The following ELOA variants were observed in gnomAD, a reference collection of about 807,000 sequenced individuals.
ELOA encodes elongin-A.
ELOA carries 15 observed loss-of-function variants against 85.2 expected under a neutral mutation model. The ratio of observed to expected loss-of-function variants is 0.18; its 90% CI spans 0.12 to 0.27. ELOA has a LOEUF of 0.27. Among genes scored for constraint, ELOA ranks in the 10% least tolerant of loss-of-function variants. The pLI is 1.00. For missense variants in ELOA, 769 were observed against 952.7 expected, an observed-to-expected ratio of 0.81 and a Z score of 2.54; for synonymous variants, 348 against 357.2, an observed-to-expected ratio of 0.97 and a Z score of 0.29.
chr1:23,752,674 G>A (rs1245880059), intron 5 of ELOA, among the ~76,000 whole-genome samples, 156 bp downstream of exon 5: 1 of 152,094 alleles, frequency 6.6e-6, no homozygotes, highest in Non-Finnish European at 1.5e-5. Context: ...CAGGCGTGGT[G>A]GCTCACTCCT....
intron 1 of ELOA, 147 bp from the exon 2 acceptor site, chr1:23,748,874 C>T (rs1644757593): frequency 3.3e-6 from 2 of 597,376 alleles, no homozygotes; most frequent in Admixed American, 6.3e-5. Context: ...TATTTTCATA[C>T]TTGTAAAATA....
chr1:23,757,219 A>G, intron 10 of ELOA, 94 bp downstream of exon 10: 2 of 1,360,142 alleles, frequency 1.5e-6, no homozygotes, highest in Non-Finnish European at 2.0e-6. Flanking sequence ...TGTGGACTGC[A>G]TGTTGCATGT....
At position 23,756,647 on chromosome 1, in the gene ELOA, T is replaced by C. The variant is rs185975622; in HGVS notation, c.2084+262T>C. 1.3e-3 allele frequency among the ~76,000 whole-genome samples: 197 copies of C among 152,378 alleles called. 1 individual carries two copies. The highest frequency in any genetic ancestry group is 2.3e-3 in the Non-Finnish European group (156 of 68,042). ...CTGGCTTATGGGAAACATTCCCTTA[T>C]GCTTTCCCTTTTCCCATCTAAACAA... On this transcript the variant is annotated intron_variant, in intron 9 of 10. Coordinates refer to ENST00000613537, the MANE Select transcript of ELOA (RefSeq NM_003198.3).
In ELOA at chr1:23,751,978, A is replaced by G. The variant is rs776893448; in HGVS notation, c.1373A>G (p.Asn458Ser). ...TCAGTTCAGAAATTACCCAAGGTGA[A>G]CAAAACCAAGTCAGAGAAGCCGGCT... ...LDSVQKLPKVNKTKSEKPAGA... is the reference protein window; with the variant it reads ...LDSVQKLPKVSKTKSEKPAGA... Residue 458 changes from asparagine (N) to serine (S), a missense_variant, in exon 4 of 11, where the codon AAC becomes AGC. Asn to Ser is a conservative substitution (Grantham distance 46, BLOSUM62 1). Coordinates refer to ENST00000613537, the MANE Select transcript of ELOA (RefSeq NM_003198.3). The G allele has an allele frequency of 5.6e-6, 9 of 1,608,736 alleles. No homozygotes were observed. The highest frequency in any genetic ancestry group is 6.8e-6 in the Non-Finnish European group (8 of 1,178,762).
chr1:23,750,503 C>G (rs1644765197), intron 3 of ELOA, among the ~76,000 whole-genome samples: 1 of 152,090 alleles, frequency 6.6e-6, no homozygotes, highest in African/African-American at 2.4e-5. Context: ...TCTAACTGCT[C>G]CTTAAATGGC....
chr1:23,743,543 C>A lies in ELOA; in HGVS notation c.40C>A (p.Gln14Lys). The A allele has an allele frequency of 6.7e-7, 1 of 1,497,538 alleles. No individual in the cohort carries two copies. The highest frequency in any genetic ancestry group is 8.9e-7 in the Non-Finnish European group (1 of 1,128,582). 92.8% of individuals were successfully genotyped at this position (1,497,538 alleles called of 1,614,324 possible). A position where few individuals can be genotyped will look rare whatever the true frequency, so the allele number is the denominator to read the frequency against. ...ESALQVVEKLQARLAANPDPK... is the reference protein window; with the variant it reads ...ESALQVVEKLKARLAANPDPK... ...GGCGCTCCAAGTTGTGGAGAAGCTG[C>A]AGGCGCGCCTGGCCGCGAACCCGGA... Residue 14 changes from glutamine (Q) to lysine (K), a missense_variant, in exon 1 of 11, where the codon CAG becomes AAG. Gln to Lys is a moderately conservative substitution (Grantham distance 53). Around this residue, in one of 4 missense-constraint regions of ELOA, gnomAD observed 440 missense variants for 474.0 expected, o/e 0.93. Transcript: ENST00000613537.
chr1:23,750,022 T>G lies in ELOA; in HGVS notation c.239+74T>G, dbSNP rs1427469954. 3 of 1,249,456 alleles carry G rather than the reference T, an allele frequency of 2.4e-6. No homozygotes were observed. In the African/African-American group the frequency reaches 4.5e-5, roughly 19 times the overall value. 77.4% of individuals were successfully genotyped at this position (1,249,456 alleles called of 1,614,324 possible). On this transcript the variant is annotated intron_variant, in intron 3 of 10. Transcript: ENST00000613537. ...AGATAGAAAAGGTTTTCTTTATTAT[T>G]TCTCTTTTGCCTTCTGAAATTGTTT...
chr1:23,757,009 G>A lies in ELOA; in HGVS notation c.2141G>A (p.Ser714Asn), dbSNP rs200480343. 7 of 1,608,366 alleles carry A rather than the reference G, an allele frequency of 4.4e-6. No homozygotes were observed. Among genetic ancestry groups the A allele is most frequent in the African/African-American group, 1.3e-5 (1 of 74,708 alleles). The change falls in exon 10 of 11, where the codon AGC becomes AAC. Residue 714 changes from serine to asparagine, a missense_variant. This residue lies in a region of ELOA where 116 missense variants were observed against 141.0 expected (regional missense o/e 0.82). Transcript: ENST00000613537. ...GSSHASASSISFNPSPEEPAY... is the reference protein window; with the variant it reads ...GSSHASASSINFNPSPEEPAY... ...AGCCATGCTTCCGCCAGTAGCATCA[G>A]CTTTAACCCCAGCCCTGAGGAGCCG...
intron 2 of ELOA, 88 bp from the exon 3 acceptor site, chr1:23,749,754 G>C (rs1479145415): frequency 2.7e-6 from 3 of 1,123,446 alleles, no homozygotes; most frequent in African/African-American, 1.6e-5. Flanking sequence ...ATTGCTTGTT[G>C]AGTTTCTCAA....
At chr1:23,758,059 T>A (rs1638226077) in intron 10 of ELOA, among the ~76,000 whole-genome samples, 1 of 151,244 alleles carries the variant, frequency 6.6e-6, no homozygotes, top group Non-Finnish European at 1.5e-5. Flanking sequence ...TAAATAAATA[T>A]CATTGTGAAT....
chr1:23,751,164 C>A lies in ELOA; in HGVS notation c.559C>A (p.His187Asn). 1 of 1,614,168 alleles carries A rather than the reference C, an allele frequency of 6.2e-7. No individual in the cohort carries two copies. ...ATCCCCTCCATCTTGTACCAGTCCTCATCAGATGTACGTCGACCACTACAG... is the reference window on the plus strand; with the variant it reads ...ATCCCCTCCATCTTGTACCAGTCCTAATCAGATGTACGTCGACCACTACAG... ...VQSPPSCTSP[H>N]QMYVDHYRSL... is the part of the protein sequence containing the mutation. The change falls in exon 4 of 11, where the codon CAT becomes AAT. Residue 187 changes from histidine to asparagine, a missense_variant. Transcript: ENST00000613537.
At position 23,743,490 on chromosome 1, in the gene ELOA, C is replaced by T. The variant is rs760734858; in HGVS notation, c.-14C>T. On this transcript the variant is annotated 5_prime_UTR_variant, in exon 1 of 11. Transcript: ENST00000613537. ...GAGCCCAGTTCCGGCGAGGAGGCCG[C>T]GCCAGTGACAGCGATGGCGGCGGAG... The T allele has an allele frequency of 2.1e-5, 32 of 1,504,784 alleles. No individual in the cohort carries two copies. The South Asian group carries it at 3.5e-4, about 16-fold the overall frequency. 93.2% of individuals were successfully genotyped at this position (1,504,784 alleles called of 1,614,324 possible).
At chr1:23,754,663 A>G (rs1644786848) in intron 7 of ELOA, among the ~76,000 whole-genome samples, 1 of 152,204 alleles carries the variant, frequency 6.6e-6, no homozygotes. Flanking sequence ...CTCTTGGGCT[A>G]GGATCAGGGT....
Position 23,759,781 on chromosome 1 carries a change from TG to T in ELOA, c.*209del. 1 of 581,924 alleles carries T rather than the reference TG, an allele frequency of 1.7e-6. No individual in the cohort carries two copies. The highest frequency in any genetic ancestry group is 3.1e-6 in the Non-Finnish European group (1 of 326,494). The allele number at this position is 581,924 out of a possible 1,614,324, so 36.0% of individuals were successfully genotyped here. A position where few individuals can be genotyped will look rare whatever the true frequency, so the allele number is the denominator to read the frequency against. ...GGAGCACACTTTAGAATTCTGAAGA[TG>T]TGAAGCCTCTGTCTCACTGAGGATT... On this transcript the variant is annotated 3_prime_UTR_variant, in exon 11 of 11. Transcript: ENST00000613537.
rs369038337 is a variant in ELOA at position 23,751,178 on chromosome 1, C to T, written c.573C>T (p.Val191=). 705 of 1,614,154 alleles carry T rather than the reference C, an allele frequency of 4.4e-4. No homozygotes were observed. Among genetic ancestry groups the T allele is most frequent in the Non-Finnish European group, 5.4e-4 (639 of 1,180,032 alleles). The change falls in exon 4 of 11, where the codon GTC becomes GTT. Residue 191 remains valine (V), a synonymous_variant. Coordinates refer to ENST00000613537, the MANE Select transcript of ELOA (RefSeq NM_003198.3). ...GTACCAGTCCTCATCAGATGTACGT[C>T]GACCACTACAGATCCCTGGAGGAGG... ...PSCTSPHQMY[V]DHYRSLEEDQ...
rs968431775 is a variant in ELOA, at chr1:23,760,297, C to T, written c.*724C>T. 3 of 151,988 alleles carry T rather than the reference C, an allele frequency of 2.0e-5. No homozygotes were observed. Among genetic ancestry groups the T allele is most frequent in the Non-Finnish European group, 2.9e-5 (2 of 68,006 alleles). The allele number at this position is 151,988 out of a possible 1,614,324, so 9.4% of individuals were successfully genotyped here. A position where few individuals can be genotyped will look rare whatever the true frequency, so the allele number is the denominator to read the frequency against. ...CCCTCATCCTTTTTGCGAGTCCCCA[C>T]CTTTTTGTTTTTTTTTTTTTCTTTG... On this transcript the variant is annotated 3_prime_UTR_variant, in exon 11 of 11. Coordinates refer to ENST00000613537, the MANE Select transcript of ELOA (RefSeq NM_003198.3).
chr1:23,758,501 C>G (rs1458858639), intron 10 of ELOA, among the ~76,000 whole-genome samples: 1 of 149,420 alleles, frequency 6.7e-6, no homozygotes, highest in African/African-American at 2.5e-5. Context: ...TCTCGAACCC[C>G]TGACCTTGTG....
At chr1:23,745,512 A>AT (rs780220676) in intron 1 of ELOA, among the ~76,000 whole-genome samples, 9,419 of 142,848 alleles carry the variant, frequency 0.066, 736 homozygotes, top group African/African-American at 0.19. Flanking sequence ...ACTATTAATG[A>AT]TTTTTTTTTT....
In ELOA at chr1:23,755,834, T is replaced by C; in HGVS notation, c.1792-9T>C. On this transcript the variant is annotated splice_polypyrimidine_tract_variant and intron_variant, in intron 7 of 10. Coordinates refer to ENST00000613537, the MANE Select transcript of ELOA (RefSeq NM_003198.3). ...TTGTACACAAATGATGTCCTGGTTC[T>C]GGTTTCAGGTATTAATTGAAGAAAC... 3 of 1,586,544 alleles carry C rather than the reference T, an allele frequency of 1.9e-6. No homozygotes were observed. Among genetic ancestry groups the C allele is most frequent in the Non-Finnish European group, 2.6e-6 (3 of 1,169,320 alleles).
Sources: allele counts gnomAD v4.1 joint callset (sites outside exome capture counted in the v4.1 genomes callset), GRCh38; gene constraint gnomAD v4.1.1; regional missense constraint gnomAD v4.1.1; transcripts MANE v1.5; gene names NCBI Gene and HGNC (gene_info 2026-07-23, HGNC 2026-07-21).